LAMC3: variants seen among roughly 807,000 people sequenced by gnomAD.
The protein encoded by LAMC3 is laminin subunit gamma 3, also known as laminin subunit gamma-3.
Under a neutral mutation model 173.8 loss-of-function variants are expected in LAMC3, and 128 were observed. That is an observed-to-expected ratio of 0.74 (90% CI 0.64 to 0.85). The LOEUF (loss-of-function observed/expected upper bound fraction) is 0.85, where lower values mean the gene tolerates loss of function less well. Ranked by LOEUF, LAMC3 falls within the 40% of genes least tolerant of loss-of-function variation. LAMC3 has a pLI of 0.00. For missense variants in LAMC3, 2,022 were observed against 2,156.0 expected, an observed-to-expected ratio of 0.94 and a Z score of 1.23; for synonymous variants, 897 against 909.1, an observed-to-expected ratio of 0.99 and a Z score of 0.24.
chr9:131,076,213 A>G (rs753543885), intron 21 of LAMC3, among the ~76,000 whole-genome samples: 19 of 152,056 alleles, frequency 1.2e-4, no homozygotes, highest in Non-Finnish European at 2.4e-4. Context: ...AGAGACAAGA[A>G]CTGGAACCCA....
At chr9:131,060,901 G>A (rs1829794924) in intron 12 of LAMC3, 134 bp from the exon 13 acceptor site, 2 of 837,730 alleles carry the variant, frequency 2.4e-6, no homozygotes, top group Non-Finnish European at 2.0e-6. Flanking sequence ...CAATCCCCAG[G>A]CCTTGCTGCC....
At position 131,041,983 on chromosome 9, in the gene LAMC3, TCTTAG is replaced by T. The variant is rs374073677; in HGVS notation, c.1382+254_1382+258del. Among the ~76,000 whole-genome samples, 377 of 152,292 alleles carry T rather than the reference TCTTAG, an allele frequency of 2.5e-3. 1 individual carries two copies. The highest frequency in any genetic ancestry group is 4.1e-3 in the Non-Finnish European group (277 of 68,010). ...CATTCATAAGCTGAGAAAATACATG[TCTTAG>T]CTTAGAATCCTGAAAAGAAAGAACT... On this transcript the variant is annotated intron_variant, in intron 7 of 27. Coordinates refer to ENST00000361069, the MANE Select transcript of LAMC3 (RefSeq NM_006059.4).
At chr9:131,064,463 A>G (rs936154488) in intron 13 of LAMC3, among the ~76,000 whole-genome samples, 5 of 149,272 alleles carry the variant, frequency 3.3e-5, no homozygotes, top group African/African-American at 1.2e-4. Flanking sequence ...GGAGATCGAG[A>G]CCATCCTGGC....
intron 1 of LAMC3, among the ~76,000 whole-genome samples, chr9:131,011,501 G>A (rs1588133824): frequency 1.3e-5 from 2 of 152,304 alleles, no homozygotes; most frequent in East Asian, 3.9e-4. Context: ...AGTGACATTG[G>A]AGTGGGGTGC....
intron 25 of LAMC3, 127 bp from the exon 26 acceptor site, chr9:131,087,349 G>A: frequency 4.2e-6 from 5 of 1,204,200 alleles, no homozygotes; most frequent in Non-Finnish European, 6.2e-6. Context: ...TTTGTTGCGT[G>A]CATGAATGAA....
chr9:131,082,290 A>T, intron 24 of LAMC3, 129 bp downstream of exon 24: 2 of 719,272 alleles, frequency 2.8e-6, no homozygotes, highest in Admixed American at 4.1e-5. Flanking sequence ...ATTAAGCCAA[A>T]CAGACTTTCC....
intron 9 of LAMC3, among the ~76,000 whole-genome samples, chr9:131,050,985 G>A (rs1278504736): frequency 1.3e-5 from 2 of 152,112 alleles, no homozygotes; most frequent in Non-Finnish European, 2.9e-5. Context: ...TGCAGCCGGG[G>A]CATGTGGCCA....
At position 131,068,175 on chromosome 9, in the gene LAMC3, C is replaced by G; in HGVS notation, c.2691C>G (p.Asp897Glu). The change falls in exon 15 of 28, where the codon GAC (aspartate) becomes GAG (glutamate). Residue 897 changes from aspartate to glutamate, a missense_variant. Physicochemically the swap from Asp to Glu is conservative, Grantham distance 45. Transcript: ENST00000361069. ...GCCTGCCTCATGTGACTGCACGGGA[C>G]TGCAGCCGCTGCTACCCTGGCTTCT... ...CSCLPHVTAR[D>E]CSRCYPGFFD... The G allele has an allele frequency of 6.2e-7, 1 of 1,613,158 alleles. No individual in the cohort carries two copies. The highest frequency in any genetic ancestry group is 8.5e-7 in the Non-Finnish European group (1 of 1,179,870).
chr9:131,074,524 C>T (rs535160016), intron 20 of LAMC3, among the ~76,000 whole-genome samples: 28 of 151,792 alleles, frequency 1.8e-4, no homozygotes, highest in African/African-American at 5.8e-4. Context: ...GGTAAAACCC[C>T]GTCTCCACTG....
intron 9 of LAMC3, among the ~76,000 whole-genome samples, chr9:131,050,663 G>A (rs1340384258): frequency 3.9e-5 from 6 of 152,106 alleles, no homozygotes; most frequent in Non-Finnish European, 8.8e-5. Context: ...AGCTACTCAG[G>A]AGGCTGAGAC....
rs377375857 is a variant in LAMC3 at position 131,032,084 on chromosome 9, C to T, written c.718C>T (p.Arg240Trp). The change falls in exon 3 of 28, where the codon CGG (arginine) becomes TGG (tryptophan). Residue 240 changes from arginine to tryptophan, a missense_variant. Arg to Trp is a moderately radical substitution (Grantham distance 101). Coordinates refer to ENST00000361069, the MANE Select transcript of LAMC3 (RefSeq NM_006059.4). ...TSTELLISLD[R>W]LNTFGDDIFK... ...CACCGAACTCCTCATCTCTCTAGAC[C>T]GGCTCAACACGTTTGGGGACGACAT... 1.2e-5 allele frequency: 20 copies of T among 1,613,970 alleles called. No homozygotes were observed. The highest frequency in any genetic ancestry group is 4.5e-5 in the East Asian group (2 of 44,886).
At chr9:131,059,956 C>T (rs867126724) in intron 12 of LAMC3, among the ~76,000 whole-genome samples, 2 of 152,214 alleles carry the variant, frequency 1.3e-5, no homozygotes, top group Admixed American at 6.5e-5. Flanking sequence ...TGCCTGGGGA[C>T]CTCCTGGAAG....
intron 7 of LAMC3, among the ~76,000 whole-genome samples, chr9:131,042,722 C>T (rs910312599): frequency 2.0e-5 from 3 of 151,670 alleles, no homozygotes; most frequent in African/African-American, 7.3e-5. Flanking sequence ...CCATGGCAGG[C>T]ATCACTAATG....
intron 4 of LAMC3, among the ~76,000 whole-genome samples, chr9:131,037,617 T>TCAGC (rs1262228495): frequency 6.6e-6 from 1 of 151,898 alleles, no homozygotes; most frequent in Non-Finnish European, 1.5e-5. Context: ...TCCTCCTACC[T>TCAGC]CAGCCACTAG....
At chr9:131,041,524 C>A in intron 6 of LAMC3, 113 bp from the exon 7 acceptor site, 1 of 906,280 alleles carries the variant, frequency 1.1e-6, no homozygotes, top group Non-Finnish European at 1.8e-6. Context: ...CAGTTACCTG[C>A]GTCAGCCTCA....
rs1298436480 is a variant in LAMC3, at chr9:131,039,050, C to T, written c.1163C>T (p.Ala388Val). ...MPCQPCDCQS[A>V]GSLHLQCDDT... is the part of the protein sequence containing the mutation. ...TGCCAGCCCTGTGACTGCCAGTCGG[C>T]AGGTGAGTGGACTCCACATCCCCAG... is the stretch of plus-strand genomic sequence containing the variant. The change falls in exon 5 of 28, where the codon GCA becomes GTA. Residue 388 changes from alanine (A) to valine (V), a missense_variant and splice_region_variant. Ala to Val is a moderately conservative substitution (Grantham distance 64, BLOSUM62 0). Transcript: ENST00000361069. 1 of 1,613,176 alleles carries T rather than the reference C, an allele frequency of 6.2e-7. No homozygotes were observed. The highest frequency in any genetic ancestry group is 2.2e-5 in the East Asian group (1 of 44,862).
At chr9:131,071,762 T>A in intron 18 of LAMC3, 137 bp downstream of exon 18, 1 of 802,100 alleles carries the variant, frequency 1.2e-6, no homozygotes, top group Non-Finnish European at 1.9e-6. Flanking sequence ...CTAGCCCACC[T>A]GTAACTTTAT....
chr9:131,019,613 C>T (rs1198717378), intron 1 of LAMC3, among the ~76,000 whole-genome samples: 3 of 152,230 alleles, frequency 2.0e-5, no homozygotes, highest in African/African-American at 7.2e-5. Flanking sequence ...ACTTTACTCA[C>T]ACTGTATGGC....
chr9:131,087,953 G>A, intron 27 of LAMC3, 136 bp downstream of exon 27: 1 of 767,070 alleles, frequency 1.3e-6, no homozygotes, highest in South Asian at 1.5e-5. Flanking sequence ...CATCTTTGTG[G>A]TCAATCACAA....
Sources: gnomAD v4.1 joint callset for allele counts (sites outside exome capture counted in the v4.1 genomes callset) on GRCh38, gnomAD v4.1.1 for gene constraint, MANE v1.5 for transcripts, NCBI Gene and HGNC (gene_info 2026-07-23, HGNC 2026-07-21) for gene names.